MARCHF1: variants seen among roughly 807,000 people sequenced by gnomAD.
The protein encoded by MARCHF1 is E3 ubiquitin-protein ligase MARCHF1.
Under a neutral mutation model 54.2 loss-of-function variants are expected in MARCHF1, and 40 were observed. That is an observed-to-expected ratio of 0.74 (90% CI 0.57 to 0.96). The LOEUF (loss-of-function observed/expected upper bound fraction) is 0.96. Ranked by LOEUF, MARCHF1 falls within the 40% of genes least tolerant of loss-of-function variation. The pLI is 0.00. For missense variants in MARCHF1, 586 were observed against 656.5 expected (o/e 0.89, Z 1.17); for synonymous variants, 236 against 236.3 (o/e 1.00, Z 0.01).
intron 7 of MARCHF1, among the ~76,000 whole-genome samples, chr4:163,611,265 C>G: frequency 6.6e-6 from 1 of 152,080 alleles, no homozygotes; most frequent in Middle Eastern, 3.4e-3. Context: ...AATGACTATC[C>G]TATAAAACTT....
At chr4:164,192,161 A>T (rs1414726737) in intron 1 of MARCHF1, among the ~76,000 whole-genome samples, 1 of 152,168 alleles carries the variant, frequency 6.6e-6, no homozygotes, top group Non-Finnish European at 1.5e-5. Context: ...TTCTATAAAG[A>T]TTATCTTAAT....
chr4:164,318,733 G>A (rs1041141941), intron 1 of MARCHF1, among the ~76,000 whole-genome samples: 7 of 152,188 alleles, frequency 4.6e-5, no homozygotes, highest in Non-Finnish European at 1.0e-4. Context: ...AGCATGAAAT[G>A]TGTGTAATGT....
At chr4:164,248,741 A>G (rs1424888379) in intron 1 of MARCHF1, among the ~76,000 whole-genome samples, 3 of 152,046 alleles carry the variant, frequency 2.0e-5, no homozygotes, top group Admixed American at 6.6e-5. Context: ...CAATTGTTAA[A>G]AAAATATATA....
At chr4:163,669,076 T>C (rs1353830288) in intron 5 of MARCHF1, among the ~76,000 whole-genome samples, 2 of 152,162 alleles carry the variant, frequency 1.3e-5, no homozygotes, top group Non-Finnish European at 2.9e-5. Flanking sequence ...TGGAAGCTTC[T>C]CAGATTTTCG....
intron 1 of MARCHF1, among the ~76,000 whole-genome samples, chr4:164,140,229 T>TAC (rs1362591942): frequency 5.6e-5 from 5 of 88,900 alleles, no homozygotes; most frequent in Admixed American, 1.4e-4. Context: ...TATATACACA[T>TAC]ACACACACAC....
chr4:163,722,717 T>G (rs1026283864), intron 4 of MARCHF1, among the ~76,000 whole-genome samples: 4 of 152,322 alleles, frequency 2.6e-5, no homozygotes, highest in Admixed American at 2.0e-4. Context: ...TGCTCCTGTA[T>G]TGGGTGCATA....
At chr4:164,059,124 T>C (rs972590638) in intron 2 of MARCHF1, among the ~76,000 whole-genome samples, 1 of 152,190 alleles carries the variant, frequency 6.6e-6, no homozygotes, top group Non-Finnish European at 1.5e-5. Flanking sequence ...ATTCATCTAG[T>C]TGTATGCAGA....
rs79053368 is a variant in MARCHF1 at position 164,133,454 on chromosome 4, G to T, written c.-322-21792C>A. 3.9e-3 allele frequency among the ~76,000 whole-genome samples: 593 copies of T among 152,202 alleles called. 7 individuals are homozygous for T. Among genetic ancestry groups the T allele is most frequent in the African/African-American group, 0.013 (554 of 41,528 alleles). ...TTGTGAACTTGCACAAGAAAAATGG[G>T]TTATCATATTATTGAATTCAAAACC... On this transcript the variant is annotated intron_variant, in intron 1 of 9. Transcript: ENST00000514618.
chr4:163,879,804 C>T (rs200732810), intron 3 of MARCHF1, among the ~76,000 whole-genome samples: 8 of 148,494 alleles, frequency 5.4e-5, no homozygotes, highest in South Asian at 4.3e-4. Flanking sequence ...GATTTAGAGG[C>T]GTGTGTGTGT....
At chr4:164,189,719 T>C (rs1731073060) in intron 1 of MARCHF1, 3 of 1,094,908 alleles carry the variant, frequency 2.7e-6, no homozygotes, top group Non-Finnish European at 4.3e-6. Context: ...AAGAAGTCCA[T>C]ATCTTTTCTA....
chr4:164,263,919 T>C (rs1038024628), intron 1 of MARCHF1, among the ~76,000 whole-genome samples: 9 of 152,174 alleles, frequency 5.9e-5, no homozygotes, highest in Non-Finnish European at 1.3e-4. Flanking sequence ...AGTTCAATCA[T>C]TGTGCAAAGA....
intron 1 of MARCHF1, among the ~76,000 whole-genome samples, chr4:164,336,184 A>G (rs1169271600): frequency 6.6e-6 from 1 of 152,174 alleles, no homozygotes; most frequent in Non-Finnish European, 1.5e-5. Flanking sequence ...TGAGAGATGA[A>G]ACAACCAAAT....
chr4:163,655,875 C>T (rs947833861), intron 5 of MARCHF1, among the ~76,000 whole-genome samples: 5 of 151,890 alleles, frequency 3.3e-5, no homozygotes, highest in African/African-American at 7.2e-5. Flanking sequence ...AAAGAGACAA[C>T]ATGCCAGGAT....
chr4:164,356,278 A>G lies in MARCHF1; in HGVS notation c.-323+27592T>C, dbSNP rs565980133. 2.5e-5 allele frequency among the ~76,000 whole-genome samples: 3 copies of G among 119,772 alleles called. 1 individual carries two copies. The South Asian group carries it at 7.9e-4, about 31-fold the overall frequency. The allele number at this position is 119,772 out of a possible 152,430, so 78.6% of individuals were successfully genotyped here. A position where few individuals can be genotyped will look rare whatever the true frequency, so the allele number is the denominator to read the frequency against. On this transcript the variant is annotated intron_variant, in intron 1 of 9. Transcript: ENST00000514618. ...ATCCCATTACTGGGTATATACCCAA[A>G]TGACTATAAATCATGCTGCTATAAA...
At chr4:163,532,113 G>T (rs1738373581) in intron 9 of MARCHF1, among the ~76,000 whole-genome samples, 1 of 151,802 alleles carries the variant, frequency 6.6e-6, no homozygotes. Context: ...AGTGTATATG[G>T]AGAGCAAAAG....
intron 9 of MARCHF1, among the ~76,000 whole-genome samples, chr4:163,545,314 C>T (rs1738860203): frequency 6.6e-6 from 1 of 152,170 alleles, no homozygotes; most frequent in African/African-American, 2.4e-5. Context: ...TTATTCAGTT[C>T]CCAAAAAGCC....
chr4:163,673,013 C>T (rs1743788596), intron 5 of MARCHF1, among the ~76,000 whole-genome samples: 1 of 152,192 alleles, frequency 6.6e-6, no homozygotes, highest in Non-Finnish European at 1.5e-5. Context: ...GGACAATCTT[C>T]TCATCTCAAG....
chr4:163,986,124 T>C (rs1004072824), intron 3 of MARCHF1, among the ~76,000 whole-genome samples: 5 of 151,928 alleles, frequency 3.3e-5, no homozygotes, highest in African/African-American at 1.2e-4. Flanking sequence ...CTACATCCTA[T>C]AGAAAACCAA....
At chr4:163,834,759 T>C (rs934635546) in intron 4 of MARCHF1, among the ~76,000 whole-genome samples, 5 of 152,104 alleles carry the variant, frequency 3.3e-5, no homozygotes, top group African/African-American at 4.8e-5. Context: ...AGAACACATA[T>C]TGGATCTTAA....
Sources: allele counts gnomAD v4.1 joint callset (sites outside exome capture counted in the v4.1 genomes callset), GRCh38; gene constraint gnomAD v4.1.1; transcripts MANE v1.5; gene names NCBI Gene and HGNC (gene_info 2026-07-23, HGNC 2026-07-21).